The following PACRG variants were observed in gnomAD, a reference collection of about 807,000 sequenced individuals.
PACRG encodes the protein parkin coregulated gene protein.
In PACRG, 29 loss-of-function variants were observed where a neutral mutation model predicts 29.7. The ratio of observed to expected loss-of-function variants is 0.98; its 90% CI spans 0.73 to 1.33. The LOEUF (loss-of-function observed/expected upper bound fraction) is 1.33, where lower values mean the gene tolerates loss of function less well. Ranked by LOEUF, PACRG falls within the 40% of genes most tolerant of loss-of-function variation. PACRG has a pLI of 0.00. For missense variants in PACRG, 279 were observed against 316.2 expected, an observed-to-expected ratio of 0.88 and a Z score of 0.89; for synonymous variants, 116 against 118.7, an observed-to-expected ratio of 0.98 and a Z score of 0.15.
At chr6:162,772,689 C>A (rs1482032473) in intron 1 of PACRG, among the ~76,000 whole-genome samples, 1 of 152,060 alleles carries the variant, frequency 6.6e-6, no homozygotes, top group Non-Finnish European at 1.5e-5. Context: ...GTCTTAGGAT[C>A]ATTAACCTGG....
chr6:162,888,895 T>C (rs759882467), intron 2 of PACRG, among the ~76,000 whole-genome samples: 6 of 152,140 alleles, frequency 3.9e-5, no homozygotes, highest in Non-Finnish European at 7.4e-5. Context: ...AAGGTCAGAA[T>C]TGACAGGAAT....
chr6:163,112,646 C>T (rs1585229732), intron 4 of PACRG, among the ~76,000 whole-genome samples: 1 of 152,162 alleles, frequency 6.6e-6, no homozygotes. Flanking sequence ...TAGAAAGTCA[C>T]TATGCATGCC....
At chr6:162,995,041 G>T (rs1274550832) in intron 2 of PACRG, among the ~76,000 whole-genome samples, 1 of 151,292 alleles carries the variant, frequency 6.6e-6, no homozygotes, top group African/African-American at 2.5e-5. Flanking sequence ...GTGCCTCCCA[G>T]TTAGGCTGCT....
intron 4 of PACRG, among the ~76,000 whole-genome samples, chr6:163,144,178 G>A (rs1437160663): frequency 2.1e-5 from 3 of 145,004 alleles, no homozygotes; most frequent in African/African-American, 5.1e-5. Flanking sequence ...GCAGTGAACC[G>A]AGATCGCACC....
chr6:163,223,386 C>T (rs1438635405), intron 4 of PACRG, among the ~76,000 whole-genome samples: 1 of 152,058 alleles, frequency 6.6e-6, no homozygotes, highest in Non-Finnish European at 1.5e-5. Flanking sequence ...AAGAGTGAAA[C>T]TCCATCTCAA....
chr6:163,237,905 G>T (rs1196212375), intron 4 of PACRG, among the ~76,000 whole-genome samples: 1 of 152,148 alleles, frequency 6.6e-6, no homozygotes, highest in African/African-American at 2.4e-5. Context: ...ATGAAAAGAT[G>T]CTTTACTTAT....
At chr6:162,995,463 G>A (rs1258557316) in intron 2 of PACRG, among the ~76,000 whole-genome samples, 2 of 152,290 alleles carry the variant, frequency 1.3e-5, no homozygotes, top group African/African-American at 2.4e-5. Context: ...TTTTAAGCCG[G>A]TCTGAAAAGC....
chr6:162,774,339 C>A lies in PACRG; in HGVS notation c.157-39808C>A, dbSNP rs547127794. 3.3e-5 allele frequency among the ~76,000 whole-genome samples: 5 copies of A among 152,264 alleles called. No individual in the cohort carries two copies. The East Asian group carries it at 7.7e-4, about 24-fold the overall frequency. On this transcript the variant is annotated intron_variant, in intron 1 of 4. Transcript: ENST00000366888. The stretch of plus-strand genomic sequence containing the variant: ...GGAAAATCAACTTAGTAGGGAAAAT[C>A]AAAATGTTTAGCCAAAAAGCATTTA...
At chr6:163,261,472 AC>A (rs1783323586) in intron 4 of PACRG, among the ~76,000 whole-genome samples, 1 of 151,418 alleles carries the variant, frequency 6.6e-6, no homozygotes, top group Non-Finnish European at 1.5e-5. Flanking sequence ...TCTCCCTCAT[AC>A]CCTCTTTGCT....
At position 163,269,899 on chromosome 6, in the gene PACRG, AAAG is replaced by A. The variant is rs1480137514; in HGVS notation, c.614-44925_614-44923del. 1.2e-3 allele frequency among the ~76,000 whole-genome samples: 79 copies of A among 66,552 alleles called. 7 individuals are homozygous for A. Among genetic ancestry groups the A allele is most frequent in the African/African-American group, 6.4e-3 (75 of 11,698 alleles). 43.7% of individuals were successfully genotyped at this position (66,552 alleles called of 152,430 possible). On this transcript the variant is annotated intron_variant, in intron 4 of 4. Coordinates refer to ENST00000366888, the MANE Select transcript of PACRG (RefSeq NM_001080379.2). ...AAAGAAAGAAAGAAAGAAAACAAAGAAAGAAAGAAAGAAAGAAAGAAAGAAAGA... is the reference window on the plus strand; with the variant it reads ...AAAGAAAGAAAGAAAGAAAACAAAGAAAAGAAAGAAAGAAAGAAAGAAAGA...
At chr6:163,001,360 T>G (rs181713320) in intron 2 of PACRG, among the ~76,000 whole-genome samples, 4 of 152,328 alleles carry the variant, frequency 2.6e-5, no homozygotes, top group African/African-American at 9.6e-5. Flanking sequence ...CTCTCCACTG[T>G]ACACACAACT....
intron 1 of PACRG, among the ~76,000 whole-genome samples, chr6:162,774,632 C>T (rs1783497912): frequency 2.6e-5 from 4 of 152,020 alleles, no homozygotes; most frequent in African/African-American, 7.2e-5. Context: ...CATTTAATTC[C>T]CCACTTCAAG....
intron 4 of PACRG, among the ~76,000 whole-genome samples, chr6:163,194,866 C>G (rs1780375846): frequency 1.3e-5 from 2 of 152,032 alleles, no homozygotes; most frequent in Admixed American, 6.6e-5. Flanking sequence ...CTTCTCCCTT[C>G]CCACCTCCTT....
chr6:162,847,743 C>A (rs1790524743), intron 2 of PACRG, among the ~76,000 whole-genome samples: 1 of 151,870 alleles, frequency 6.6e-6, no homozygotes. Flanking sequence ...GCATGCATTG[C>A]AAGATTCACA....
At chr6:163,308,665 CAAA>C (rs34275762) in intron 4 of PACRG, among the ~76,000 whole-genome samples, 5 of 131,374 alleles carry the variant, frequency 3.8e-5, no homozygotes, top group Admixed American at 1.6e-4. Context: ...GGCTCCGTCT[CAAA>C]AAAAAAAAAA....
chr6:162,765,089 T>TATC (rs916804518), intron 1 of PACRG, among the ~76,000 whole-genome samples: 11 of 151,968 alleles, frequency 7.2e-5, no homozygotes, highest in Admixed American at 2.6e-4. Flanking sequence ...CATACCTATT[T>TATC]ATCATCATCA....
intron 1 of PACRG, among the ~76,000 whole-genome samples, chr6:162,792,121 G>A (rs1004314140): frequency 7.2e-5 from 11 of 152,102 alleles, no homozygotes; most frequent in East Asian, 3.8e-4. Flanking sequence ...TGGTGAAATC[G>A]CTTGTTCTGC....
At chr6:162,859,467 T>A (rs111285819) in intron 2 of PACRG, among the ~76,000 whole-genome samples, 31 of 152,040 alleles carry the variant, frequency 2.0e-4, no homozygotes, top group African/African-American at 7.2e-4. Context: ...AACTGAGGAG[T>A]ATCAGGGTTC....
At chr6:163,111,832 A>G (rs554726327) in intron 4 of PACRG, among the ~76,000 whole-genome samples, 1 of 152,254 alleles carries the variant, frequency 6.6e-6, no homozygotes, top group East Asian at 1.9e-4. Flanking sequence ...GCTTGGGTGT[A>G]TCTTGGTTTA....
Sources: gnomAD v4.1 joint callset for allele counts (sites outside exome capture counted in the v4.1 genomes callset) on GRCh38, gnomAD v4.1.1 for gene constraint, MANE v1.5 for transcripts, NCBI Gene and HGNC (gene_info 2026-07-23, HGNC 2026-07-21) for gene names.